The following CHSY3 variants were observed in gnomAD, a reference collection of about 807,000 sequenced individuals.
CHSY3 encodes N-acetylgalactosaminyl-proteoglycan 3-beta-glucuronosyltransferase 3.
Under a neutral mutation model 67.2 loss-of-function variants are expected in CHSY3, and 35 were observed. That is an observed-to-expected ratio of 0.52 (90% CI 0.40 to 0.69). The LOEUF (loss-of-function observed/expected upper bound fraction) is 0.69. CHSY3 is among the 30% of genes least tolerant of loss of function. The probability of loss-of-function intolerance (pLI) is 0.00; values close to 1 mark genes in which losing one functional copy is unlikely to be tolerated. For missense variants in CHSY3, 1,069 were observed against 1,138.5 expected (o/e 0.94, Z 0.88); for synonymous variants, 474 against 434.7 (o/e 1.09, Z -1.12).
intron 2 of CHSY3, among the ~76,000 whole-genome samples, chr5:129,913,959 G>A (rs1029311463): frequency 1.3e-5 from 2 of 152,190 alleles, no homozygotes; most frequent in African/African-American, 4.8e-5. Flanking sequence ...TGTTCTGGAA[G>A]TGTTTTCCTG....
In CHSY3 at chr5:130,107,166, G is replaced by C. The variant is rs557304878; in HGVS notation, c.1087-77063G>C. On this transcript the variant is annotated intron_variant, in intron 2 of 2. Transcript: ENST00000305031. ...TGCTTTTCAAAGCAAAATGATTCTT[G>C]CTTGTATAATTTTGTATTATTTGAT... 2.6e-5 allele frequency among the ~76,000 whole-genome samples: 4 copies of C among 151,136 alleles called. No individual in the cohort carries two copies. In the South Asian group the frequency reaches 8.3e-4, roughly 32 times the overall value.
chr5:130,106,311 G>A (rs558025974), intron 2 of CHSY3, among the ~76,000 whole-genome samples: 3 of 151,584 alleles, frequency 2.0e-5, no homozygotes, highest in Non-Finnish European at 4.4e-5. Context: ...GCTTTTGGAT[G>A]GTGTAAAAGA....
At chr5:129,953,552 C>T (rs953471667) in intron 2 of CHSY3, among the ~76,000 whole-genome samples, 1 of 152,124 alleles carries the variant, frequency 6.6e-6, no homozygotes, top group Non-Finnish European at 1.5e-5. Context: ...GAGGAGTCGC[C>T]ACACTGTCTT....
intron 2 of CHSY3, among the ~76,000 whole-genome samples, chr5:130,025,029 A>G (rs546755877): frequency 2.6e-5 from 4 of 152,282 alleles, no homozygotes; most frequent in Admixed American, 2.0e-4. Context: ...GGCAGGTTAT[A>G]TAGTGGAAAA....
At chr5:130,174,333 A>G (rs1370381228) in intron 2 of CHSY3, among the ~76,000 whole-genome samples, 1 of 151,976 alleles carries the variant, frequency 6.6e-6, no homozygotes, top group Non-Finnish European at 1.5e-5. Context: ...TGAAAACAAA[A>G]TAACTTTCAG....
At chr5:129,971,512 G>A (rs1762639386) in intron 2 of CHSY3, among the ~76,000 whole-genome samples, 1 of 151,892 alleles carries the variant, frequency 6.6e-6, no homozygotes, top group African/African-American at 2.4e-5. Flanking sequence ...AGCAGGTGCT[G>A]AAGTAGGCAA....
chr5:130,141,039 G>C, intron 2 of CHSY3: 1 of 309,062 alleles, frequency 3.2e-6, no homozygotes, highest in Non-Finnish European at 5.3e-6. Context: ...CTGGTTCATG[G>C]TTCTATTTGT....
At chr5:130,162,557 C>T (rs1160060661) in intron 2 of CHSY3, among the ~76,000 whole-genome samples, 2 of 151,982 alleles carry the variant, frequency 1.3e-5, no homozygotes, top group African/African-American at 4.8e-5. Flanking sequence ...ATTTAAGAAA[C>T]GGGGTCTTGT....
chr5:130,159,403 G>C (rs1769464912), intron 2 of CHSY3, among the ~76,000 whole-genome samples: 2 of 151,894 alleles, frequency 1.3e-5, no homozygotes. Context: ...GGGCTCAAGG[G>C]ATCTGCCTAT....
chr5:129,933,446 AT>A (rs1761381515), intron 2 of CHSY3, among the ~76,000 whole-genome samples: 1 of 152,218 alleles, frequency 6.6e-6, no homozygotes, highest in Non-Finnish European at 1.5e-5. Flanking sequence ...AATGTAAAAA[AT>A]ATTTCATTTT....
At chr5:129,936,395 G>A (rs1027461691) in intron 2 of CHSY3, among the ~76,000 whole-genome samples, 3 of 151,920 alleles carry the variant, frequency 2.0e-5, no homozygotes, top group Admixed American at 6.6e-5. Flanking sequence ...GGCTGACAGC[G>A]ACAGGGCCTA....
At chr5:130,103,890 A>C (rs527275476) in intron 2 of CHSY3, among the ~76,000 whole-genome samples, 2 of 152,004 alleles carry the variant, frequency 1.3e-5, no homozygotes, top group South Asian at 4.2e-4. Context: ...TAGTGACCAT[A>C]CATTGTTTAC....
chr5:130,013,629 G>A (rs912970166), intron 2 of CHSY3, among the ~76,000 whole-genome samples: 1 of 152,192 alleles, frequency 6.6e-6, no homozygotes. Flanking sequence ...TGGAGCAGCT[G>A]GAGCTAAAGC....
chr5:130,030,733 A>G (rs1350028014), intron 2 of CHSY3, among the ~76,000 whole-genome samples: 2 of 151,992 alleles, frequency 1.3e-5, no homozygotes, highest in Non-Finnish European at 2.9e-5. Context: ...TTCCAGGTGG[A>G]CTCTACTAAG....
chr5:129,991,615 C>T (rs935168011), intron 2 of CHSY3, among the ~76,000 whole-genome samples: 4 of 152,118 alleles, frequency 2.6e-5, no homozygotes, highest in African/African-American at 9.7e-5. Context: ...TAACCAGTGT[C>T]TGCCACTGTT....
intron 2 of CHSY3, among the ~76,000 whole-genome samples, chr5:130,129,960 G>T (rs886599632): frequency 6.6e-6 from 1 of 152,050 alleles, no homozygotes; most frequent in Non-Finnish European, 1.5e-5. Flanking sequence ...AATGAAATTT[G>T]CTTTTGATAG....
intron 2 of CHSY3, among the ~76,000 whole-genome samples, chr5:130,133,336 A>G (rs1768542114): frequency 2.0e-5 from 3 of 152,126 alleles, no homozygotes; most frequent in Admixed American, 2.0e-4. Flanking sequence ...TGGTGTGCAT[A>G]GATACTCATG....
At chr5:130,145,300 A>G (rs892794954) in intron 2 of CHSY3, among the ~76,000 whole-genome samples, 1 of 152,190 alleles carries the variant, frequency 6.6e-6, no homozygotes, top group Non-Finnish European at 1.5e-5. Context: ...TCACACAGCT[A>G]TGTCTAACTG....
At chr5:130,036,336 T>C (rs1764862410) in intron 2 of CHSY3, among the ~76,000 whole-genome samples, 1 of 152,154 alleles carries the variant, frequency 6.6e-6, no homozygotes. Flanking sequence ...TTATATATTT[T>C]CCTAGTATAT....
Sources: gnomAD v4.1 joint callset for allele counts (sites outside exome capture counted in the v4.1 genomes callset) on GRCh38, gnomAD v4.1.1 for gene constraint, MANE v1.5 for transcripts, NCBI Gene and HGNC (gene_info 2026-07-23, HGNC 2026-07-21) for gene names.